The following NALF1 variants were observed in gnomAD, a reference collection of about 807,000 sequenced individuals.
NALF1 encodes family with sequence similarity 155 member A.
Under a neutral mutation model 48.4 loss-of-function variants are expected in NALF1, and 3 were observed. That is an observed-to-expected ratio of 0.06 (90% CI 0.03 to 0.16). The LOEUF (loss-of-function observed/expected upper bound fraction) is 0.16, where lower values mean the gene tolerates loss of function less well. Ranked by LOEUF, NALF1 falls within the 10% of genes least tolerant of loss-of-function variation. The probability of loss-of-function intolerance (pLI) is 1.00; values close to 1 mark genes in which losing one functional copy is unlikely to be tolerated. For synonymous variants in NALF1, 262 were observed against 245.7 expected, an observed-to-expected ratio of 1.07 and a Z score of -0.62; for missense variants, 526 against 571.5, an observed-to-expected ratio of 0.92 and a Z score of 0.81.
intron 1 of NALF1, among the ~76,000 whole-genome samples, chr13:107,802,215 T>C (rs1878639408): frequency 6.6e-6 from 1 of 152,222 alleles, no homozygotes; most frequent in Non-Finnish European, 1.5e-5. Context: ...AGACTCTCCC[T>C]ATATTTTTCA....
intron 1 of NALF1, among the ~76,000 whole-genome samples, chr13:107,510,520 A>C (rs1176171643): frequency 1.3e-5 from 2 of 152,246 alleles, no homozygotes; most frequent in African/African-American, 4.8e-5. Flanking sequence ...TTAAGTACTG[A>C]ATATTTTTCA....
chr13:107,799,848 G>A (rs1594275615), intron 1 of NALF1, among the ~76,000 whole-genome samples: 1 of 152,098 alleles, frequency 6.6e-6, no homozygotes, highest in Non-Finnish European at 1.5e-5. Context: ...CAATAACAAT[G>A]ACAAAAAATC....
intron 1 of NALF1, among the ~76,000 whole-genome samples, chr13:107,318,219 G>C (rs924730705): frequency 2.0e-5 from 3 of 152,084 alleles, no homozygotes; most frequent in African/African-American, 7.2e-5. Context: ...TGTCAATCAA[G>C]TAAATATCAT....
chr13:107,671,252 A>G (rs775702995), intron 1 of NALF1, among the ~76,000 whole-genome samples: 1 of 152,216 alleles, frequency 6.6e-6, no homozygotes, highest in Admixed American at 6.5e-5. Flanking sequence ...TATTGGCACC[A>G]GTAAATAAAT....
At chr13:107,636,936 T>C (rs891213686) in intron 1 of NALF1, among the ~76,000 whole-genome samples, 2 of 150,568 alleles carry the variant, frequency 1.3e-5, no homozygotes, top group Non-Finnish European at 3.0e-5. Context: ...GAAGACATTT[T>C]AGTCAATAAT....
At position 107,866,528 on chromosome 13, in the gene NALF1, T is replaced by A; in HGVS notation, c.69A>T (p.Arg23=). ...DGLKIWLAAP[R]ENEKPFIDSE... is the part of the protein sequence containing the mutation. Reference sequence around the variant, plus strand: ...AATCGATGAACGGTTTCTCGTTCTCTCGGGGTGCTGCCAACCAGATTTTTA... The same window carrying A: ...AATCGATGAACGGTTTCTCGTTCTCACGGGGTGCTGCCAACCAGATTTTTA... Residue 23 remains arginine (R), a synonymous_variant, in exon 1 of 3, where the codon CGA becomes CGT. Coordinates refer to ENST00000375915, the MANE Select transcript of NALF1 (RefSeq NM_001080396.3). The surrounding 1 kb of genome is among the most constrained non-coding windows in gnomAD (Gnocchi z 4.4). 1 of 1,613,774 alleles carries A rather than the reference T, an allele frequency of 6.2e-7. No individual in the cohort carries two copies. Among genetic ancestry groups the A allele is most frequent in the Middle Eastern group, 1.7e-4 (1 of 6,056 alleles).
intron 1 of NALF1, among the ~76,000 whole-genome samples, chr13:107,646,542 C>T (rs115422402): frequency 0.014 from 2,167 of 152,180 alleles, 47 homozygotes; most frequent in African/African-American, 0.049. Flanking sequence ...AGTGACTCAA[C>T]GCATTGTTGA....
chr13:107,541,704 C>A (rs646548), intron 1 of NALF1, among the ~76,000 whole-genome samples: 61,159 of 151,856 alleles, frequency 0.4, 12,589 homozygotes, highest in East Asian at 0.53. Flanking sequence ...TAGTCTTCTA[C>A]TATAAACATG....
chr13:107,795,466 C>T (rs1878391933), intron 1 of NALF1, among the ~76,000 whole-genome samples: 1 of 152,098 alleles, frequency 6.6e-6, no homozygotes, highest in Non-Finnish European at 1.5e-5. Flanking sequence ...TAAAGTTGTG[C>T]TTCCTCCTAG....
chr13:107,528,670 T>C (rs551585802), intron 1 of NALF1, among the ~76,000 whole-genome samples: 1 of 152,080 alleles, frequency 6.6e-6, no homozygotes, highest in Non-Finnish European at 1.5e-5. Context: ...GATAACATAG[T>C]AGGTCCTGAG....
chr13:107,706,243 A>T (rs892087588), intron 1 of NALF1, among the ~76,000 whole-genome samples: 5 of 152,188 alleles, frequency 3.3e-5, no homozygotes, highest in African/African-American at 1.2e-4. Context: ...CCCCACATAA[A>T]GGGGAAAGTC....
intron 1 of NALF1, among the ~76,000 whole-genome samples, chr13:107,766,505 G>C (rs1221598913): frequency 6.6e-6 from 1 of 152,140 alleles, no homozygotes; most frequent in Non-Finnish European, 1.5e-5. Flanking sequence ...ATGGTGATGG[G>C]GGAGAACTTA....
At chr13:107,636,650 ATAGACTT>A (rs1396707813) in intron 1 of NALF1, among the ~76,000 whole-genome samples, 1 of 152,116 alleles carries the variant, frequency 6.6e-6, no homozygotes, top group Non-Finnish European at 1.5e-5. Flanking sequence ...GTAAAGGGAA[ATAGACTT>A]TAAAGTACAA....
intron 1 of NALF1, among the ~76,000 whole-genome samples, chr13:107,505,880 T>G (rs149118888): frequency 1.1e-4 from 16 of 152,286 alleles, no homozygotes; most frequent in Non-Finnish European, 2.1e-4. Context: ...GTTTTCCCAC[T>G]ATATTAAAAA....
Position 107,829,024 on chromosome 13 carries a change from G to A in NALF1, c.915+36658C>T, listed in dbSNP as rs1188302271. The stretch of plus-strand genomic sequence containing the variant: ...TGTATCCATTGTCTATCTTAGAAGA[G>A]CTCCAAAAATAGCCTATCATGAACA... On this transcript the variant is annotated intron_variant, in intron 1 of 2. Coordinates refer to ENST00000375915, the MANE Select transcript of NALF1 (RefSeq NM_001080396.3). Among the ~76,000 whole-genome samples, 3 of 152,112 alleles carry A rather than the reference G, an allele frequency of 2.0e-5. 1 individual carries two copies. The highest frequency in any genetic ancestry group is 7.2e-5 in the African/African-American group (3 of 41,420).
intron 1 of NALF1, among the ~76,000 whole-genome samples, chr13:107,512,599 T>C (rs1875927689): frequency 6.6e-6 from 1 of 152,056 alleles, no homozygotes; most frequent in South Asian, 2.1e-4. Context: ...ATGACTGTCC[T>C]ACAGAGCAGG....
intron 1 of NALF1, among the ~76,000 whole-genome samples, chr13:107,342,547 T>C (rs1158883438): frequency 6.6e-6 from 1 of 152,106 alleles, no homozygotes; most frequent in Non-Finnish European, 1.5e-5. Flanking sequence ...AGTACAACGA[T>C]GAACAGCCTT....
chr13:107,299,931 CT>C (rs1477233110), intron 1 of NALF1, among the ~76,000 whole-genome samples: 1 of 152,176 alleles, frequency 6.6e-6, no homozygotes, highest in African/African-American at 2.4e-5. Context: ...TTGCATTTTC[CT>C]TGCCCCGACC....
At chr13:107,706,426 T>C (rs1881948734) in intron 1 of NALF1, among the ~76,000 whole-genome samples, 1 of 152,224 alleles carries the variant, frequency 6.6e-6, no homozygotes, top group South Asian at 2.1e-4. Flanking sequence ...TTATAGTATA[T>C]TAAGATTTCT....
Sources: allele counts gnomAD v4.1 joint callset (sites outside exome capture counted in the v4.1 genomes callset), GRCh38; gene constraint gnomAD v4.1.1; non-coding constraint Gnocchi (gnomAD v3.1); transcripts MANE v1.5; gene names NCBI Gene and HGNC (gene_info 2026-07-23, HGNC 2026-07-21).